The following TLE6 variants were observed in gnomAD, a reference collection of about 807,000 sequenced individuals.
TLE6 encodes the protein TLE family member 6, subcortical maternal complex member.
TLE6 carries 72 observed loss-of-function variants against 77.1 expected under a neutral mutation model. The ratio of observed to expected loss-of-function variants is 0.93; its 90% CI spans 0.77 to 1.14. The LOEUF (loss-of-function observed/expected upper bound fraction) is 1.14, where lower values mean the gene tolerates loss of function less well. Ranked by LOEUF, TLE6 falls within the 50% of genes most tolerant of loss-of-function variation. The pLI is 0.00. For synonymous variants in TLE6, 366 were observed against 287.3 expected (o/e 1.27, Z -2.77); for missense variants, 843 against 747.6 (o/e 1.13, Z -1.49).
At chr19:2,986,535 G>GA (rs1009287060) in intron 5 of TLE6, among the ~76,000 whole-genome samples, 2 of 151,884 alleles carry the variant, frequency 1.3e-5, no homozygotes, top group African/African-American at 4.8e-5. Context: ...CCAACATGGT[G>GA]AAACCCCATC....
chr19:2,979,974 A>AAAAC (rs1555683657), intron 2 of TLE6, 126 bp from the exon 3 acceptor site: 57 of 678,250 alleles, frequency 8.4e-5, no homozygotes, highest in Non-Finnish European at 1.2e-4. Flanking sequence ...CAAAAAAAAA[A>AAAAC]AAAAAAGCAA....
intron 14 of TLE6, among the ~76,000 whole-genome samples, chr19:2,992,986 C>A (rs1599172955): frequency 8.6e-6 from 1 of 116,734 alleles, no homozygotes; most frequent in East Asian, 2.8e-4. Context: ...GTCAGAAGTT[C>A]AAGAACAGCC....
At chr19:2,984,757 C>G (rs924025994) in intron 5 of TLE6, among the ~76,000 whole-genome samples, 1 of 152,028 alleles carries the variant, frequency 6.6e-6, no homozygotes, top group African/African-American at 2.4e-5. Flanking sequence ...TGTGAGCCAT[C>G]GCACCTGGCC....
chr19:2,989,358 A>T (rs749136677), intron 12 of TLE6, 45 bp downstream of exon 12: 1 of 1,603,624 alleles, frequency 6.2e-7, no homozygotes, highest in Non-Finnish European at 8.5e-7. Context: ...TTCTGGGAAC[A>T]GGGGGTTTGA....
chr19:2,993,413 C>G lies in TLE6; in HGVS notation c.1387-19C>G. 2 of 1,586,116 alleles carry G rather than the reference C, an allele frequency of 1.3e-6. No homozygotes were observed. The highest frequency in any genetic ancestry group is 1.7e-6 in the Non-Finnish European group (2 of 1,159,908). On this transcript the variant is annotated intron_variant, in intron 14 of 16. Coordinates refer to ENST00000246112, the MANE Select transcript of TLE6 (RefSeq NM_001143986.2). ...TGGGACCTAACCAGGTTCCTCCCTCCCCACTGCCCATTACCTAGATAATGA... is the reference window on the plus strand; with the variant it reads ...TGGGACCTAACCAGGTTCCTCCCTCGCCACTGCCCATTACCTAGATAATGA...
Position 2,989,582 on chromosome 19 carries a change from G to C in TLE6, c.1041G>C (p.Arg347Ser), listed in dbSNP as rs146844578. Residue 347 changes from arginine to serine, a missense_variant, in exon 13 of 17, where the codon AGG (arginine) becomes AGC (serine). Arg to Ser is a moderately radical substitution (Grantham distance 110). Coordinates refer to ENST00000246112, the MANE Select transcript of TLE6 (RefSeq NM_001143986.2). The stretch of plus-strand genomic sequence containing the variant: ...CCTGCCTGCTGTCCTCAAACAGCAG[G>C]AGCCTGCTCACCGGTGGCTACAACC... ...LRTCLLSSNS[R>S]SLLTGGYNLA... 147 of 1,613,616 alleles carry C rather than the reference G, an allele frequency of 9.1e-5. No individual in the cohort carries two copies. In the African/African-American group the frequency reaches 1.9e-3, roughly 20 times the overall value.
chr19:2,978,130 G>T, intron 1 of TLE6, 68 bp from the exon 2 acceptor site: 1 of 1,235,130 alleles, frequency 8.1e-7, no homozygotes, highest in Non-Finnish European at 1.2e-6. Flanking sequence ...GGGGTAACGG[G>T]TGCCTTGCTT....
At chr19:2,987,624 C>A in intron 8 of TLE6, 100 bp from the exon 9 acceptor site, 2 of 1,384,078 alleles carry the variant, frequency 1.4e-6, no homozygotes, top group Non-Finnish European at 1.0e-6. Context: ...GACAGGACCC[C>A]AGGCAGCTGA....
intron 13 of TLE6, 93 bp from the exon 14 acceptor site, chr19:2,991,750 T>C: frequency 7.7e-7 from 1 of 1,291,156 alleles, no homozygotes; most frequent in Non-Finnish European, 1.1e-6. Context: ...GGTGGCACTG[T>C]CCCTTTCATG....
At position 2,988,248 on chromosome 19, in the gene TLE6, T is replaced by C. The variant is rs1353035745; in HGVS notation, c.740+120T>C. Reference sequence around the variant, plus strand: ...GAGGTGTAAGACTTTCTTCCCCTTTTCCCATCACTACTCTGCCATCCTCTC... The same window carrying C: ...GAGGTGTAAGACTTTCTTCCCCTTTCCCCATCACTACTCTGCCATCCTCTC... On this transcript the variant is annotated intron_variant, in intron 11 of 16. Coordinates refer to ENST00000246112, the MANE Select transcript of TLE6 (RefSeq NM_001143986.2). The C allele has an allele frequency of 4.6e-6, 5 of 1,096,514 alleles. No individual in the cohort carries two copies. In the South Asian group the frequency reaches 6.1e-5, roughly 13 times the overall value. The allele number at this position is 1,096,514 out of a possible 1,614,324, so 67.9% of individuals were successfully genotyped here.
chr19:2,986,699 G>GT (rs1305015733), intron 5 of TLE6, 130 bp from the exon 6 acceptor site: 1 of 935,500 alleles, frequency 1.1e-6, no homozygotes, highest in Admixed American at 2.4e-5. Flanking sequence ...GGGTGACAGA[G>GT]TGAGACTCTG....
chr19:2,994,888 C>T lies in TLE6; in HGVS notation c.1615-12C>T, dbSNP rs761750471. ...CCCTACCCCAGCTCACTGCCCACTG[C>T]CCCCCCTCCAGGTGCCTGAGATGTC... On this transcript the variant is annotated splice_polypyrimidine_tract_variant and intron_variant, in intron 16 of 16. Coordinates refer to ENST00000246112, the MANE Select transcript of TLE6 (RefSeq NM_001143986.2). 20 of 1,556,136 alleles carry T rather than the reference C, an allele frequency of 1.3e-5. No individual in the cohort carries two copies. The highest frequency in any genetic ancestry group is 2.3e-5 in the East Asian group (1 of 43,818).
intron 5 of TLE6, chr19:2,984,331 A>T (rs998469627): frequency 2.2e-5 from 3 of 139,226 alleles, no homozygotes; most frequent in African/African-American, 8.7e-5. Context: ...AGGAGGCATC[A>T]GCCTGGAGTC....
In TLE6 at chr19:2,981,555, C is replaced by T. The variant is rs566584383; in HGVS notation, c.152C>T (p.Ala51Val). 5 of 1,551,580 alleles carry T rather than the reference C, an allele frequency of 3.2e-6. No homozygotes were observed. The East Asian group carries it at 1.2e-4, about 38-fold the overall frequency. Residue 51 changes from alanine (A) to valine (V), a missense_variant, in exon 4 of 17, where the codon GCT becomes GTT. By Grantham distance (64) the Ala-to-Val change is moderately conservative (BLOSUM62 0). Coordinates refer to ENST00000246112, the MANE Select transcript of TLE6 (RefSeq NM_001143986.2). ...KQFPRFSPHF[A>V]AELESIYYSL... ...CCCCTCAGGTTTTCTCCTCATTTTGCTGCGGAGTTGGAGAGCATTTACTAC... is the reference window on the plus strand; with the variant it reads ...CCCCTCAGGTTTTCTCCTCATTTTGTTGCGGAGTTGGAGAGCATTTACTAC...
At chr19:2,991,385 T>TAC (rs1248747854) in intron 13 of TLE6, among the ~76,000 whole-genome samples, 10 of 108,540 alleles carry the variant, frequency 9.2e-5, no homozygotes, top group African/African-American at 4.3e-4. Context: ...CGTATATATA[T>TAC]ATATATATAT....
intron 5 of TLE6, among the ~76,000 whole-genome samples, 165 bp downstream of exon 5, chr19:2,982,354 A>G (rs899449856): frequency 2.0e-5 from 3 of 151,272 alleles, no homozygotes; most frequent in African/African-American, 4.9e-5. Flanking sequence ...CCTGATCAAC[A>G]TGGTGAAACC....
chr19:2,991,725 C>A, intron 13 of TLE6, 118 bp from the exon 14 acceptor site: 1 of 955,088 alleles, frequency 1.0e-6, no homozygotes, highest in Non-Finnish European at 1.6e-6. Flanking sequence ...TCTGTGCAGG[C>A]AGAGATTTTT....
intron 13 of TLE6, among the ~76,000 whole-genome samples, chr19:2,990,279 G>A (rs934056404): frequency 6.6e-6 from 1 of 151,550 alleles, no homozygotes; most frequent in Non-Finnish European, 1.5e-5. Context: ...AAATTAAATA[G>A]AATTTTTATA....
At chr19:2,983,042 C>T (rs1240736373) in intron 5 of TLE6, among the ~76,000 whole-genome samples, 2 of 152,140 alleles carry the variant, frequency 1.3e-5, no homozygotes, top group Non-Finnish European at 2.9e-5. Context: ...GTCCTCCCGC[C>T]ACCTGGCCTT....
Sources: allele counts gnomAD v4.1 joint callset (sites outside exome capture counted in the v4.1 genomes callset), GRCh38; gene constraint gnomAD v4.1.1; transcripts MANE v1.5; gene names NCBI Gene and HGNC (gene_info 2026-07-23, HGNC 2026-07-21).